NRXN1: variants seen among roughly 807,000 people sequenced by gnomAD.
NRXN1 encodes neurexin-1.
In NRXN1, 39 loss-of-function variants were observed where a neutral mutation model predicts 150.9. The observed-to-expected ratio is 0.26, with a 90% CI of 0.20 to 0.34. The LOEUF (loss-of-function observed/expected upper bound fraction) is 0.34. Ranked by LOEUF, NRXN1 falls within the 10% of genes least tolerant of loss-of-function variation. The pLI is 1.00. For missense variants in NRXN1, 1,815 were observed against 1,949.9 expected (o/e 0.93, Z 1.30); for synonymous variants, 924 against 757.0 (o/e 1.22, Z -3.62).
chr2:49,929,839 A>G (rs369006029), intron 22 of NRXN1, among the ~76,000 whole-genome samples: 4 of 152,164 alleles, frequency 2.6e-5, no homozygotes, highest in East Asian at 1.9e-4. Context: ...AACAAACTTG[A>G]TGTATATGTC....
chr2:50,164,602 A>G (rs1473919843), intron 18 of NRXN1, among the ~76,000 whole-genome samples: 1 of 152,166 alleles, frequency 6.6e-6, no homozygotes, highest in Non-Finnish European at 1.5e-5. Flanking sequence ...CTTGAACATA[A>G]CTATTAGGAC....
At chr2:49,977,262 G>T (rs1385708311) in intron 21 of NRXN1, among the ~76,000 whole-genome samples, 5 of 151,950 alleles carry the variant, frequency 3.3e-5, no homozygotes. Flanking sequence ...GGTTTCGGAT[G>T]GTGATTTTGC....
chr2:50,330,681 T>C (rs1336135130), intron 17 of NRXN1, among the ~76,000 whole-genome samples: 3 of 152,194 alleles, frequency 2.0e-5, no homozygotes, highest in African/African-American at 7.2e-5. Context: ...ATGAATAAAG[T>C]AGCTTAAGAA....
chr2:50,955,942 G>A (rs1254812716), intron 2 of NRXN1, among the ~76,000 whole-genome samples: 1 of 152,132 alleles, frequency 6.6e-6, no homozygotes, highest in Non-Finnish European at 1.5e-5. Flanking sequence ...GGCAGCAGCT[G>A]GGTTAGCAAA....
chr2:50,390,473 A>T (rs2081614986), intron 17 of NRXN1, among the ~76,000 whole-genome samples: 1 of 152,142 alleles, frequency 6.6e-6, no homozygotes, highest in South Asian at 2.1e-4. Flanking sequence ...CAATGACTTA[A>T]TTTTTAAAAT....
intron 18 of NRXN1, among the ~76,000 whole-genome samples, chr2:50,230,163 G>A (rs2064803880): frequency 6.6e-6 from 1 of 151,950 alleles, no homozygotes; most frequent in South Asian, 2.1e-4. Context: ...AAAAGATCCA[G>A]GACCAACCCT....
At chr2:50,930,549 T>A (rs1558440582) in intron 2 of NRXN1, among the ~76,000 whole-genome samples, 1 of 152,110 alleles carries the variant, frequency 6.6e-6, no homozygotes, top group Non-Finnish European at 1.5e-5. Flanking sequence ...GAATTCAATT[T>A]CAAATTTTCA....
chr2:50,513,428 C>A (rs982082797), intron 12 of NRXN1, among the ~76,000 whole-genome samples: 2 of 152,052 alleles, frequency 1.3e-5, no homozygotes, highest in African/African-American at 4.8e-5. Flanking sequence ...GGAACAGTTG[C>A]CATTTTAACC....
intron 15 of NRXN1, among the ~76,000 whole-genome samples, chr2:50,488,516 G>T (rs1362614638): frequency 1.3e-5 from 2 of 152,210 alleles, no homozygotes; most frequent in Non-Finnish European, 2.9e-5. Flanking sequence ...CACAGCCCCA[G>T]TAGAGACCAA....
chr2:50,987,598 G>A (rs1020477395), intron 2 of NRXN1, among the ~76,000 whole-genome samples: 45 of 152,010 alleles, frequency 3.0e-4, no homozygotes, highest in African/African-American at 8.2e-4. Context: ...TCAAATCAGC[G>A]CTTCATGACC....
chr2:50,019,405 G>A (rs1048150413), intron 21 of NRXN1: 3 of 449,252 alleles, frequency 6.7e-6, no homozygotes, highest in South Asian at 3.2e-5. Context: ...AGCACTTTGG[G>A]AGGCCGAGGT....
intron 19 of NRXN1, among the ~76,000 whole-genome samples, chr2:50,080,862 C>T (rs1029028479): frequency 3.3e-5 from 5 of 152,212 alleles, no homozygotes; most frequent in Admixed American, 2.0e-4. Context: ...TCATTGGAAG[C>T]ATGTTTAATT....
chr2:50,358,700 G>T (rs2078988059), intron 17 of NRXN1, among the ~76,000 whole-genome samples: 1 of 152,238 alleles, frequency 6.6e-6, no homozygotes. Context: ...GAAAAGAGCA[G>T]CAGATCTTGC....
intron 18 of NRXN1, among the ~76,000 whole-genome samples, chr2:50,232,382 CTTTTCTT>C (rs2065022146): frequency 1.8e-5 from 2 of 113,972 alleles, no homozygotes; most frequent in African/African-American, 6.9e-5. Context: ...TCTTTCTTTT[CTTTTCTT>C]TTTTTTTTTT....
At chr2:49,974,992 C>T (rs1296238702) in intron 21 of NRXN1, among the ~76,000 whole-genome samples, 2 of 151,646 alleles carry the variant, frequency 1.3e-5, no homozygotes, top group Non-Finnish European at 2.9e-5. Flanking sequence ...ATCTGGAATA[C>T]CATATGGAAC....
intron 2 of NRXN1, among the ~76,000 whole-genome samples, chr2:50,991,977 C>G (rs1375510537): frequency 6.6e-6 from 1 of 151,896 alleles, no homozygotes; most frequent in Non-Finnish European, 1.5e-5. Flanking sequence ...AGGTCTGGAT[C>G]AACAGTGTGT....
intron 18 of NRXN1, among the ~76,000 whole-genome samples, chr2:50,129,159 A>G (rs555637998): frequency 6.6e-6 from 1 of 152,234 alleles, no homozygotes; most frequent in South Asian, 2.1e-4. Flanking sequence ...AAATTATCCT[A>G]TCTGAATACA....
chr2:50,730,983 T>C (rs1168399154), intron 5 of NRXN1, among the ~76,000 whole-genome samples: 1 of 152,170 alleles, frequency 6.6e-6, no homozygotes, highest in Non-Finnish European at 1.5e-5. Flanking sequence ...TTCCCTTATC[T>C]TTCTTACTGT....
chr2:50,346,892 C>G lies in NRXN1; in HGVS notation c.3365-109922G>C, dbSNP rs1188018101. 1.7e-5 allele frequency: 22 copies of G among 1,310,536 alleles called. No individual in the cohort carries two copies. The highest frequency in any genetic ancestry group is 2.0e-5 in the Non-Finnish European group (21 of 1,032,530). 81.2% of individuals were successfully genotyped at this position (1,310,536 alleles called of 1,614,324 possible). On this transcript the variant is annotated intron_variant, in intron 17 of 22. Coordinates refer to ENST00000401669, the MANE Select transcript of NRXN1 (RefSeq NM_001330078.2). The surrounding 1 kb of genome is among the most constrained non-coding windows in gnomAD (Gnocchi z 5.0). ...CCTGCGCCGCCGCCGCCGCCGCCGC[C>G]GCCGCCGCCCCCGGGCGAGCCCAGC...
Sources: allele counts gnomAD v4.1 joint callset (sites outside exome capture counted in the v4.1 genomes callset), GRCh38; gene constraint gnomAD v4.1.1; non-coding constraint Gnocchi (gnomAD v3.1); transcripts MANE v1.5; gene names NCBI Gene and HGNC (gene_info 2026-07-23, HGNC 2026-07-21).